NEK11: variants seen among roughly 807,000 people sequenced by gnomAD.
NEK11 encodes NIMA related kinase 11, also known as serine/threonine-protein kinase Nek11.
Under a neutral mutation model 80.7 loss-of-function variants are expected in NEK11, and 72 were observed. That is an observed-to-expected ratio of 0.89 (90% CI 0.74 to 1.08). The LOEUF is 1.08. Ranked by LOEUF, NEK11 falls within the 50% of genes least tolerant of loss-of-function variation. The pLI is 0.00. For missense variants in NEK11, 764 were observed against 763.6 expected, an observed-to-expected ratio of 1.00 and a Z score of -0.01; for synonymous variants, 251 against 260.7, an observed-to-expected ratio of 0.96 and a Z score of 0.36.
At chr3:131,094,579 G>A (rs967041462) in intron 4 of NEK11, among the ~76,000 whole-genome samples, 4 of 152,232 alleles carry the variant, frequency 2.6e-5, no homozygotes, top group South Asian at 2.1e-4. Flanking sequence ...TGAAATGAGC[G>A]CCTCTACCAC....
intron 14 of NEK11, among the ~76,000 whole-genome samples, chr3:131,215,223 T>C (rs2094782064): frequency 2.3e-5 from 3 of 131,084 alleles, no homozygotes; most frequent in Non-Finnish European, 4.6e-5. Context: ...AATTGAACAA[T>C]GAGAACACTT....
At chr3:131,209,585 G>A (rs1460205145) in intron 14 of NEK11, among the ~76,000 whole-genome samples, 1 of 152,116 alleles carries the variant, frequency 6.6e-6, no homozygotes, top group Non-Finnish European at 1.5e-5. Context: ...TGTACCTCTG[G>A]TAGAATTTGG....
chr3:131,246,036 C>G (rs2095597607), intron 16 of NEK11, among the ~76,000 whole-genome samples: 1 of 152,074 alleles, frequency 6.6e-6, no homozygotes, highest in African/African-American at 2.4e-5. Flanking sequence ...CTCTTGTAGT[C>G]TTAGTCATGA....
chr3:131,220,317 C>T (rs1376915635), intron 14 of NEK11, among the ~76,000 whole-genome samples: 2 of 152,042 alleles, frequency 1.3e-5, no homozygotes, highest in South Asian at 2.1e-4. Flanking sequence ...GTTTCCTATA[C>T]ATATGAGAAA....
At position 131,122,593 on chromosome 3, in the gene NEK11, C is replaced by G. The variant is rs932832731; in HGVS notation, c.456-10152C>G. ...CATCACAAAGGAGCCATTGGCTGTG[C>G]CAGCACCTTTGGCAAGAAGAGTTTG... is the stretch of plus-strand genomic sequence containing the variant. On this transcript the variant is annotated intron_variant, in intron 5 of 17. Coordinates refer to ENST00000383366, the MANE Select transcript of NEK11 (RefSeq NM_024800.5). Among the ~76,000 whole-genome samples the G allele has an allele frequency of 4.6e-5, 7 of 152,224 alleles. No individual in the cohort carries two copies. In the South Asian group the frequency reaches 6.2e-4, roughly 14 times the overall value.
At chr3:131,240,088 A>T (rs2095498029) in intron 15 of NEK11, among the ~76,000 whole-genome samples, 1 of 151,440 alleles carries the variant, frequency 6.6e-6, no homozygotes, top group Admixed American at 6.6e-5. Flanking sequence ...AGTCAATGTA[A>T]TTTTTTTTTC....
chr3:131,306,135 T>C lies in NEK11; in HGVS notation c.1718+32561T>C, dbSNP rs1031219145. Among the ~76,000 whole-genome samples the C allele has an allele frequency of 2.0e-5, 3 of 152,222 alleles. No homozygotes were observed. The South Asian group carries it at 6.2e-4, about 32-fold the overall frequency. On this transcript the variant is annotated intron_variant, in intron 17 of 17. Coordinates refer to ENST00000383366, the MANE Select transcript of NEK11 (RefSeq NM_024800.5). ...ATGTTGCCCATCTTTTTGTACATGC[T>C]ATCTACTTTATCCATTAGAGTTAGC... is the stretch of plus-strand genomic sequence containing the variant.
At chr3:131,222,481 C>A (rs536712887) in intron 14 of NEK11, among the ~76,000 whole-genome samples, 2 of 152,022 alleles carry the variant, frequency 1.3e-5, no homozygotes, top group South Asian at 4.2e-4. Context: ...TTTCTATCAA[C>A]AAAATGGGAG....
intron 3 of NEK11, among the ~76,000 whole-genome samples, chr3:131,040,944 C>T (rs989276431): frequency 6.6e-6 from 1 of 152,210 alleles, no homozygotes; most frequent in South Asian, 2.1e-4. Flanking sequence ...AAAACCTAAT[C>T]ACTTAGCTAT....
chr3:131,143,482 T>G (rs1396028802), intron 7 of NEK11, among the ~76,000 whole-genome samples: 2 of 151,952 alleles, frequency 1.3e-5, no homozygotes, highest in African/African-American at 4.8e-5. Flanking sequence ...ATTATTAAAT[T>G]ATAATAAATA....
At chr3:131,319,676 T>A (rs1293699907) in intron 17 of NEK11, among the ~76,000 whole-genome samples, 3 of 152,126 alleles carry the variant, frequency 2.0e-5, no homozygotes, top group Admixed American at 6.6e-5. Context: ...TTGCCCTAAT[T>A]TTTGGTGTCA....
At chr3:131,113,749 G>C (rs904359281) in intron 5 of NEK11, among the ~76,000 whole-genome samples, 1 of 151,666 alleles carries the variant, frequency 6.6e-6, no homozygotes, top group Non-Finnish European at 1.5e-5. Flanking sequence ...CATCTCTACT[G>C]AAAATACAAA....
chr3:131,029,552 C>G (rs571966319), intron 2 of NEK11, 61 bp from the exon 3 acceptor site: 1 of 641,254 alleles, frequency 1.6e-6, no homozygotes, highest in Non-Finnish European at 2.6e-6. Context: ...GCACTTAACA[C>G]TTTTTGTTAG....
At chr3:131,165,158 G>T (rs917312848) in intron 11 of NEK11, 1 of 355,904 alleles carries the variant, frequency 2.8e-6, no homozygotes, top group Non-Finnish European at 5.1e-6. Flanking sequence ...TGCACTTGGA[G>T]AACTCACAGA....
chr3:131,338,275 T>TG (rs1554023992), intron 17 of NEK11, among the ~76,000 whole-genome samples: 4 of 148,070 alleles, frequency 2.7e-5, no homozygotes, highest in Admixed American at 6.7e-5. Context: ...GGTTTTTTTT[T>TG]TTTTTTTTTT....
intron 4 of NEK11, among the ~76,000 whole-genome samples, chr3:131,101,885 T>C (rs903767523): frequency 5.3e-5 from 8 of 152,218 alleles, no homozygotes; most frequent in African/African-American, 1.9e-4. Flanking sequence ...AGAACTTGTT[T>C]TATGAATCTG....
intron 14 of NEK11, among the ~76,000 whole-genome samples, chr3:131,208,262 G>A: frequency 6.6e-6 from 1 of 152,176 alleles, no homozygotes; most frequent in Non-Finnish European, 1.5e-5. Flanking sequence ...GTTTGTCAAA[G>A]ATCAGATGAT....
chr3:131,233,469 C>A (rs114292912), intron 15 of NEK11, among the ~76,000 whole-genome samples: 1,832 of 152,230 alleles, frequency 0.012, 42 homozygotes, highest in African/African-American at 0.042. Context: ...CTTGCAACAA[C>A]TCTGATGCAT....
chr3:131,346,224 T>C (rs1042299581), intron 17 of NEK11, among the ~76,000 whole-genome samples: 9 of 152,230 alleles, frequency 5.9e-5, no homozygotes, highest in Admixed American at 2.6e-4. Context: ...TGTGAGGTCA[T>C]AGATATATTA....
Sources: gnomAD v4.1 joint callset for allele counts (sites outside exome capture counted in the v4.1 genomes callset) on GRCh38, gnomAD v4.1.1 for gene constraint, MANE v1.5 for transcripts, NCBI Gene and HGNC (gene_info 2026-07-23, HGNC 2026-07-21) for gene names.